The following SLC9A9 variants were observed in gnomAD, a reference collection of about 807,000 sequenced individuals.
SLC9A9 encodes solute carrier family 9 member A9.
In SLC9A9, 62 loss-of-function variants were observed where a neutral mutation model predicts 77.8. The ratio of observed to expected loss-of-function variants is 0.80; its 90% CI spans 0.65 to 0.98. The LOEUF is 0.98. Ranked by LOEUF, SLC9A9 falls within the 50% of genes least tolerant of loss-of-function variation. The probability of loss-of-function intolerance (pLI) is 0.00; values close to 1 mark genes in which losing one functional copy is unlikely to be tolerated. For missense variants in SLC9A9, 775 were observed against 774.9 expected (o/e 1.00, Z 0.00); for synonymous variants, 320 against 283.5 (o/e 1.13, Z -1.29).
At chr3:143,532,668 T>A (rs1266770028) in intron 9 of SLC9A9, among the ~76,000 whole-genome samples, 1 of 152,182 alleles carries the variant, frequency 6.6e-6, no homozygotes, top group South Asian at 2.1e-4. Flanking sequence ...GTCCTCAGTT[T>A]TCAAACGGTA....
chr3:143,313,488 C>G (rs2108439471), intron 14 of SLC9A9, among the ~76,000 whole-genome samples: 1 of 152,268 alleles, frequency 6.6e-6, no homozygotes, highest in South Asian at 2.1e-4. Flanking sequence ...GCCACAATGG[C>G]CAGAAACAAC....
intron 4 of SLC9A9, among the ~76,000 whole-genome samples, chr3:143,789,437 G>GTACC (rs1451592656): frequency 6.6e-6 from 1 of 152,098 alleles, no homozygotes; most frequent in African/African-American, 2.4e-5. Context: ...ATCCTTCTAT[G>GTACC]TACCATCTCA....
chr3:143,606,627 A>C (rs2037933459), intron 6 of SLC9A9, among the ~76,000 whole-genome samples: 1 of 151,230 alleles, frequency 6.6e-6, no homozygotes, highest in Admixed American at 6.6e-5. Context: ...CAATGAAAGA[A>C]TAGGACTCTA....
At chr3:143,736,767 G>A (rs1029743346) in intron 4 of SLC9A9, among the ~76,000 whole-genome samples, 41 of 152,258 alleles carry the variant, frequency 2.7e-4, no homozygotes, top group African/African-American at 9.9e-4. Flanking sequence ...GTAGTTAATT[G>A]GCTCATAATC....
chr3:143,326,489 C>A (rs1432408290), intron 14 of SLC9A9, among the ~76,000 whole-genome samples: 1 of 152,128 alleles, frequency 6.6e-6, no homozygotes, highest in Non-Finnish European at 1.5e-5. Context: ...CACTGGCCTT[C>A]TTTCTGTTTC....
intron 11 of SLC9A9, among the ~76,000 whole-genome samples, chr3:143,475,967 CCT>C (rs2035470130): frequency 6.7e-6 from 1 of 150,288 alleles, no homozygotes; most frequent in South Asian, 2.1e-4. Flanking sequence ...CTTTTTTTCC[CCT>C]TTCACTTCAA....
At chr3:143,798,293 T>C (rs1442331256) in intron 2 of SLC9A9, among the ~76,000 whole-genome samples, 1 of 152,210 alleles carries the variant, frequency 6.6e-6, no homozygotes, top group Non-Finnish European at 1.5e-5. Context: ...CAGTCTTCCC[T>C]TGGTGTTTAA....
chr3:143,620,026 T>C (rs2108710865), intron 6 of SLC9A9, among the ~76,000 whole-genome samples: 1 of 152,154 alleles, frequency 6.6e-6, no homozygotes, highest in Non-Finnish European at 1.5e-5. Flanking sequence ...AACACAGCTG[T>C]ATCTTAGCCA....
intron 9 of SLC9A9, among the ~76,000 whole-genome samples, chr3:143,549,483 T>C (rs1002017598): frequency 4.6e-5 from 7 of 152,216 alleles, no homozygotes; most frequent in Admixed American, 1.3e-4. Context: ...TTAGCATTTA[T>C]TAAGCTTCTG....
chr3:143,518,246 G>T, intron 9 of SLC9A9: 1 of 1,580,488 alleles, frequency 6.3e-7, no homozygotes, highest in Non-Finnish European at 8.6e-7. Flanking sequence ...GAGGTGGTGG[G>T]CGAAGCTCAG....
At chr3:143,753,176 T>C (rs1364634831) in intron 4 of SLC9A9, among the ~76,000 whole-genome samples, 1 of 152,212 alleles carries the variant, frequency 6.6e-6, no homozygotes, top group African/African-American at 2.4e-5. Flanking sequence ...AAAGCTCACA[T>C]CTGCCTCCAG....
intron 4 of SLC9A9, among the ~76,000 whole-genome samples, chr3:143,743,351 T>C (rs1434804739): frequency 6.6e-6 from 1 of 151,960 alleles, no homozygotes; most frequent in Non-Finnish European, 1.5e-5. Flanking sequence ...ACTGGCTCTG[T>C]CTGCAAGCTG....
At chr3:143,577,602 A>G (rs1397620436) in intron 7 of SLC9A9, among the ~76,000 whole-genome samples, 1 of 152,060 alleles carries the variant, frequency 6.6e-6, no homozygotes, top group Non-Finnish European at 1.5e-5. Context: ...TCATCTTTCT[A>G]AGCCTGTCAC....
intron 14 of SLC9A9, among the ~76,000 whole-genome samples, chr3:143,296,487 A>G (rs994092929): frequency 9.2e-5 from 14 of 152,190 alleles, no homozygotes; most frequent in African/African-American, 3.1e-4. Context: ...GCTCAATTTT[A>G]TGCTTTGGCT....
At chr3:143,678,882 T>A (rs990007002) in intron 5 of SLC9A9, among the ~76,000 whole-genome samples, 3 of 152,220 alleles carry the variant, frequency 2.0e-5, no homozygotes, top group Non-Finnish European at 4.4e-5. Flanking sequence ...TGGTGAACTA[T>A]AATAGCATCG....
rs73146721 is a variant in SLC9A9, at chr3:143,476,517, G to T, written c.1316-9327C>A. On this transcript the variant is annotated intron_variant, in intron 11 of 15. Transcript: ENST00000316549. ...AGCATAGATGCCTCTGGCTTTGGAA[G>T]TTTGTTTTTACGTGGGTAAGATGGA... Among the ~76,000 whole-genome samples the T allele has an allele frequency of 5.2e-3, 793 of 152,326 alleles. 4 individuals carry two copies. Among genetic ancestry groups the T allele is most frequent in the Admixed American group, 8.6e-3 (131 of 15,300 alleles).
chr3:143,702,985 T>C (rs1370415913), intron 4 of SLC9A9, among the ~76,000 whole-genome samples: 1 of 152,186 alleles, frequency 6.6e-6, no homozygotes, highest in Non-Finnish European at 1.5e-5. Context: ...AAGGTCATCA[T>C]ATAATGATAA....
At chr3:143,684,419 T>C (rs1933196725) in intron 5 of SLC9A9, among the ~76,000 whole-genome samples, 1 of 152,114 alleles carries the variant, frequency 6.6e-6, no homozygotes, top group African/African-American at 2.4e-5. Context: ...TCCAGCTGGC[T>C]ATGCAGGTTG....
In SLC9A9 at chr3:143,770,099, T is replaced by C. The variant is rs569586155; in HGVS notation, c.533+24902A>G. On this transcript the variant is annotated intron_variant, in intron 4 of 15. Coordinates refer to ENST00000316549, the MANE Select transcript of SLC9A9 (RefSeq NM_173653.4). Reference sequence around the variant, plus strand: ...GAATAGGAGGACTCAACCTCATAAATATATGAATTCTCCACAAGTTAATCT... The same window carrying C: ...GAATAGGAGGACTCAACCTCATAAACATATGAATTCTCCACAAGTTAATCT... Among the ~76,000 whole-genome samples the C allele has an allele frequency of 2.0e-5, 3 of 152,228 alleles. No homozygotes were observed. In the South Asian group the frequency reaches 6.2e-4, roughly 32 times the overall value.
Sources: allele counts gnomAD v4.1 joint callset (sites outside exome capture counted in the v4.1 genomes callset), GRCh38; gene constraint gnomAD v4.1.1; transcripts MANE v1.5; gene names NCBI Gene and HGNC (gene_info 2026-07-23, HGNC 2026-07-21).